MTMR12: variants seen among roughly 807,000 people sequenced by gnomAD.
MTMR12 encodes myotubularin-related protein 12.
MTMR12 carries 33 observed loss-of-function variants against 96.7 expected under a neutral mutation model. The ratio of observed to expected loss-of-function variants is 0.34; its 90% CI spans 0.26 to 0.46. The LOEUF (loss-of-function observed/expected upper bound fraction) is 0.46, where lower values mean the gene tolerates loss of function less well. Ranked by LOEUF, MTMR12 falls within the 20% of genes least tolerant of loss-of-function variation. The pLI, the probability that MTMR12 is intolerant of heterozygous loss-of-function variation, is 1.00. For synonymous variants in MTMR12, 298 were observed against 327.2 expected (o/e 0.91, Z 0.96); for missense variants, 721 against 896.1 (o/e 0.80, Z 2.49).
At chr5:32,272,384 A>G (rs187894194) in intron 3 of MTMR12, among the ~76,000 whole-genome samples, 129 of 152,220 alleles carry the variant, frequency 8.5e-4, no homozygotes, top group Non-Finnish European at 1.5e-3. Context: ...AGCTCCTGAG[A>G]TTCATTCTGA....
chr5:32,281,275 T>C (rs1303007135), intron 1 of MTMR12, among the ~76,000 whole-genome samples: 3 of 117,122 alleles, frequency 2.6e-5, no homozygotes, highest in African/African-American at 9.1e-5. Context: ...CAAAAAAAAC[T>C]GTTACATGAG....
At chr5:32,276,792 G>C (rs572069330) in intron 1 of MTMR12, 50 bp from the exon 2 acceptor site, 44 of 1,372,186 alleles carry the variant, frequency 3.2e-5, no homozygotes, top group Non-Finnish European at 4.2e-5. Flanking sequence ...GGTTTAAAAT[G>C]AATAACATTA....
intron 13 of MTMR12, among the ~76,000 whole-genome samples, chr5:32,237,123 C>T (rs972269603): frequency 5.3e-5 from 8 of 152,194 alleles, no homozygotes; most frequent in African/African-American, 1.9e-4. Context: ...CTCTGTGTGC[C>T]CACAGCATTC....
At chr5:32,280,122 G>C (rs1228630495) in intron 1 of MTMR12, among the ~76,000 whole-genome samples, 1 of 152,184 alleles carries the variant, frequency 6.6e-6, no homozygotes, top group African/African-American at 2.4e-5. Flanking sequence ...CACATTCAGA[G>C]TGCACATCAT....
intron 12 of MTMR12, among the ~76,000 whole-genome samples, chr5:32,241,183 C>T (rs1322794670): frequency 6.6e-6 from 1 of 152,182 alleles, no homozygotes; most frequent in Non-Finnish European, 1.5e-5. Context: ...AAATAATGCT[C>T]TGTTCTGTCA....
intron 1 of MTMR12, among the ~76,000 whole-genome samples, chr5:32,281,346 T>C (rs944906947): frequency 1.3e-5 from 2 of 151,418 alleles, no homozygotes; most frequent in Non-Finnish European, 2.9e-5. Context: ...TTGACTCTAC[T>C]CAGGCTCACA....
rs146040131 is a variant in MTMR12 at position 32,247,023 on chromosome 5, G to A, written c.1021+979C>T. 2.5e-3 allele frequency among the ~76,000 whole-genome samples: 377 copies of A among 152,214 alleles called. 1 individual carries two copies. The highest frequency in any genetic ancestry group is 8.8e-3 in the African/African-American group (367 of 41,516). On this transcript the variant is annotated intron_variant, in intron 10 of 15. Transcript: ENST00000382142. ...GGAAACTCAATAAATGTCACTGAAC[G>A]AATCCCAAAACAGTTAAGAATTTGC...
At chr5:32,284,772 C>CA (rs34917717) in intron 1 of MTMR12, among the ~76,000 whole-genome samples, 1 of 152,056 alleles carries the variant, frequency 6.6e-6, no homozygotes, top group Non-Finnish European at 1.5e-5. Flanking sequence ...CAATGTGCAG[C>CA]AAAAAGGTAG....
rs887183074 is a variant in MTMR12, at chr5:32,228,813, C to G, written c.*965G>C. The G allele has an allele frequency of 4.6e-5, 7 of 151,668 alleles. No homozygotes were observed. Among genetic ancestry groups the G allele is most frequent in the African/African-American group, 1.5e-4 (6 of 41,130 alleles). The allele number at this position is 151,668 out of a possible 1,614,324, so 9.4% of individuals were successfully genotyped here. A position where few individuals can be genotyped will look rare whatever the true frequency, so the allele number is the denominator to read the frequency against. The stretch of plus-strand genomic sequence containing the variant: ...TCAAAAGTGACCCAATCCCATCAGT[C>G]CATAAAGGTAAAAGAATGTGAGGAA... On this transcript the variant is annotated 3_prime_UTR_variant, in exon 16 of 16. Transcript: ENST00000382142.
chr5:32,257,701 G>T (rs1344423728), intron 7 of MTMR12, among the ~76,000 whole-genome samples: 1 of 152,040 alleles, frequency 6.6e-6, no homozygotes, highest in Non-Finnish European at 1.5e-5. Flanking sequence ...CTGTGAGGTG[G>T]AGCTTGCAGT....
At chr5:32,256,517 T>C (rs1581606576) in intron 7 of MTMR12, among the ~76,000 whole-genome samples, 1 of 152,316 alleles carries the variant, frequency 6.6e-6, no homozygotes, top group East Asian at 1.9e-4. Context: ...ACTTGTTAAG[T>C]AGTAGGACAT....
At chr5:32,283,417 T>C (rs76353647) in intron 1 of MTMR12, among the ~76,000 whole-genome samples, 20 of 150,960 alleles carry the variant, frequency 1.3e-4, no homozygotes, top group Non-Finnish European at 3.0e-4. Flanking sequence ...AAAAGCTTTG[T>C]ATTTATTTAT....
Position 32,301,650 on chromosome 5 carries a change from G to C in MTMR12, c.81+11108C>G, listed in dbSNP as rs1020385015. 5.9e-5 allele frequency among the ~76,000 whole-genome samples: 9 copies of C among 152,316 alleles called. 1 individual carries two copies. The highest frequency in any genetic ancestry group is 1.3e-4 in the Admixed American group (2 of 15,308). ...TCATGCCTGTAATCCCAGCACTTTG[G>C]GGGGCCGAGGTGGGTGGATCACCTG... On this transcript the variant is annotated intron_variant, in intron 1 of 15. Transcript: ENST00000382142.
In MTMR12 at chr5:32,233,473, AACACAC is replaced by A. The variant is rs752327449; in HGVS notation, c.1674+294_1674+299del. On this transcript the variant is annotated intron_variant, in intron 15 of 15. Transcript: ENST00000382142. The surrounding 1 kb of genome is among the most constrained non-coding windows in gnomAD (Gnocchi z 5.0). ...CTCTACTAACACACACACACACACA[AACACAC>A]ACACACACACACACACACAGGCAGG... is the stretch of plus-strand genomic sequence containing the variant. Among the ~76,000 whole-genome samples the A allele has an allele frequency of 5.0e-5, 3 of 59,934 alleles. No individual in the cohort carries two copies. Among genetic ancestry groups the A allele is most frequent in the Admixed American group, 3.3e-4 (2 of 5,978 alleles). The allele number at this position is 59,934 out of a possible 152,430, so 39.3% of individuals were successfully genotyped here.
intron 1 of MTMR12, among the ~76,000 whole-genome samples, chr5:32,288,097 C>T (rs1750610727): frequency 1.3e-5 from 2 of 152,148 alleles, no homozygotes; most frequent in Admixed American, 1.3e-4. Flanking sequence ...ATGTGAGTGG[C>T]TGACCTGCAA....
chr5:32,291,904 G>GCAAT (rs1220753602), intron 1 of MTMR12, among the ~76,000 whole-genome samples: 1 of 152,152 alleles, frequency 6.6e-6, no homozygotes. Flanking sequence ...TGTCTTCACT[G>GCAAT]CAATACACAC....
Position 32,235,028 on chromosome 5 carries a change from A to C in MTMR12, c.1446T>G (p.Asp482Glu). 1 of 1,614,032 alleles carries C rather than the reference A, an allele frequency of 6.2e-7. No individual in the cohort carries two copies. The highest frequency in any genetic ancestry group is 1.1e-5 in the South Asian group (1 of 91,084). Residue 482 changes from aspartate to glutamate, a missense_variant, in exon 14 of 16, where the codon GAT (aspartate) becomes GAG (glutamate). Transcript: ENST00000382142. ...TGCTAAAAATAGGTATATACAGGCT[A>C]TCTGACAAAACAGTCAGGTAAGTCT... ...FTETYLTVLSDSLYIPIFSTF... is the reference protein window; with the variant it reads ...FTETYLTVLSESLYIPIFSTF...
At chr5:32,311,402 G>A (rs184224656) in intron 1 of MTMR12, among the ~76,000 whole-genome samples, 50 of 152,176 alleles carry the variant, frequency 3.3e-4, no homozygotes, top group Admixed American at 3.3e-3. Context: ...CTTTCCCCTG[G>A]AGAAAACACA....
At chr5:32,264,648 A>C (rs1199274326) in intron 6 of MTMR12, among the ~76,000 whole-genome samples, 1 of 152,060 alleles carries the variant, frequency 6.6e-6, no homozygotes, top group Non-Finnish European at 1.5e-5. Flanking sequence ...TTTAGTAGAG[A>C]CGGGGTTTCA....
Sources: allele counts gnomAD v4.1 joint callset (sites outside exome capture counted in the v4.1 genomes callset), GRCh38; gene constraint gnomAD v4.1.1; non-coding constraint Gnocchi (gnomAD v3.1); transcripts MANE v1.5; gene names NCBI Gene and HGNC (gene_info 2026-07-23, HGNC 2026-07-21).